The following CHMP4C variants were observed in gnomAD, a reference collection of about 807,000 sequenced individuals.
CHMP4C encodes charged multivesicular body protein 4C.
A neutral mutation model predicts 29.0 loss-of-function variants in CHMP4C; 28 were observed. That is an observed-to-expected ratio of 0.97 (90% CI 0.72 to 1.32). CHMP4C has a LOEUF of 1.32. CHMP4C is among the 40% of genes most tolerant of loss of function. The probability of loss-of-function intolerance (pLI) is 0.00; values close to 1 mark genes in which losing one functional copy is unlikely to be tolerated. For synonymous variants in CHMP4C, 106 were observed against 102.4 expected, an observed-to-expected ratio of 1.04 and a Z score of -0.21; for missense variants, 291 against 281.0, an observed-to-expected ratio of 1.04 and a Z score of -0.25.
chr8:81,752,157 A>G (rs1808911566), intron 1 of CHMP4C, among the ~76,000 whole-genome samples: 2 of 152,178 alleles, frequency 1.3e-5, no homozygotes, highest in African/African-American at 4.8e-5. Flanking sequence ...TGTTGTGATA[A>G]CTTACCTGCT....
At chr8:81,754,011 A>G (rs1175846011) in intron 2 of CHMP4C, among the ~76,000 whole-genome samples, 3 of 152,118 alleles carry the variant, frequency 2.0e-5, no homozygotes, top group African/African-American at 7.2e-5. Context: ...ATTGGATGTG[A>G]TAGTGGAACC....
At chr8:81,751,433 C>G (rs565986553) in intron 1 of CHMP4C, among the ~76,000 whole-genome samples, 3 of 151,968 alleles carry the variant, frequency 2.0e-5, no homozygotes, top group Non-Finnish European at 4.4e-5. Context: ...TTCAATCAAA[C>G]CTTTCAGGGT....
intron 1 of CHMP4C, among the ~76,000 whole-genome samples, chr8:81,743,745 C>A (rs373761804): frequency 6.6e-6 from 1 of 152,066 alleles, no homozygotes; most frequent in Non-Finnish European, 1.5e-5. Flanking sequence ...TATTCTCTTG[C>A]GTGATATCCT....
intron 1 of CHMP4C, among the ~76,000 whole-genome samples, chr8:81,737,180 T>G (rs1808702480): frequency 6.6e-6 from 1 of 152,256 alleles, no homozygotes; most frequent in Non-Finnish European, 1.5e-5. Context: ...TTTAATTTTT[T>G]GTTCTACTTC....
At chr8:81,732,866 T>C in intron 1 of CHMP4C, 50 bp downstream of exon 1, 1 of 1,548,786 alleles carries the variant, frequency 6.5e-7, no homozygotes, top group Non-Finnish European at 8.8e-7. Context: ...CTCTAGCCTT[T>C]CCCTTGGGGA....
chr8:81,735,942 C>T (rs115561459), intron 1 of CHMP4C, among the ~76,000 whole-genome samples: 8,758 of 151,722 alleles, frequency 0.058, 303 homozygotes, highest in Middle Eastern at 0.14. Context: ...CAAAATTAGC[C>T]GGATGTGGTG....
At chr8:81,753,706 CAGAAGA>C (rs1808938033) in intron 2 of CHMP4C, among the ~76,000 whole-genome samples, 1 of 152,102 alleles carries the variant, frequency 6.6e-6, no homozygotes, top group South Asian at 2.1e-4. Context: ...ACCACTGACA[CAGAAGA>C]ATAGTCATGA....
intron 1 of CHMP4C, among the ~76,000 whole-genome samples, chr8:81,751,104 T>G (rs916348533): frequency 5.9e-5 from 9 of 152,170 alleles, no homozygotes; most frequent in African/African-American, 2.2e-4. Flanking sequence ...CACTCAAGTT[T>G]GAGGCAAAAT....
chr8:81,736,234 C>T (rs1055454395), intron 1 of CHMP4C, among the ~76,000 whole-genome samples: 1 of 151,936 alleles, frequency 6.6e-6, no homozygotes, highest in African/African-American at 2.4e-5. Context: ...GGGCTCACTG[C>T]AGCCTTGACC....
At chr8:81,748,507 T>C (rs1217385105) in intron 1 of CHMP4C, among the ~76,000 whole-genome samples, 1 of 152,184 alleles carries the variant, frequency 6.6e-6, no homozygotes, top group East Asian at 1.9e-4. Flanking sequence ...CTAATAAATG[T>C]CCATAAAATC....
At chr8:81,751,751 G>GA in intron 1 of CHMP4C, among the ~76,000 whole-genome samples, 1 of 152,052 alleles carries the variant, frequency 6.6e-6, no homozygotes, top group African/African-American at 2.4e-5. Flanking sequence ...GAGACTGAGT[G>GA]AAAATCTTAC....
In CHMP4C at chr8:81,758,244, C is replaced by G; in HGVS notation, c.586C>G (p.Gln196Glu). The stretch of plus-strand genomic sequence containing the variant: ...TGTGCCTTCCTCTTCTCTCCCAGCA[C>G]AGCCAAATAGAAAACCAGGCATGTC... The part of the protein sequence containing the change: ...PNVPSSSLPA[Q>E]PNRKPGMSST... Residue 196 changes from glutamine to glutamate, a missense_variant, in exon 4 of 5, where the codon CAG becomes GAG. By Grantham distance (29) the Gln-to-Glu change is conservative (BLOSUM62 2). Transcript: ENST00000297265. The G allele has an allele frequency of 6.2e-7, 1 of 1,614,016 alleles. No individual in the cohort carries two copies. Among genetic ancestry groups the G allele is most frequent in the Non-Finnish European group, 8.5e-7 (1 of 1,179,948 alleles).
intron 2 of CHMP4C, 55 bp downstream of exon 2, chr8:81,753,296 C>A (rs960797908): frequency 7.3e-6 from 10 of 1,371,698 alleles, no homozygotes; most frequent in Non-Finnish European, 9.7e-6. Context: ...TTGGGAAGAA[C>A]CTTTGGAACC....
At chr8:81,746,930 T>C (rs978955517) in intron 1 of CHMP4C, among the ~76,000 whole-genome samples, 1 of 152,222 alleles carries the variant, frequency 6.6e-6, no homozygotes, top group Non-Finnish European at 1.5e-5. Context: ...TATGTGCCAC[T>C]GAACGAAACA....
intron 1 of CHMP4C, among the ~76,000 whole-genome samples, chr8:81,739,418 T>TAG (rs113653252): frequency 2.1e-5 from 2 of 93,564 alleles, no homozygotes; most frequent in African/African-American, 8.2e-5. Context: ...TGGGGGATTG[T>TAG]GGGGGGGGGT....
intron 1 of CHMP4C, among the ~76,000 whole-genome samples, chr8:81,738,710 C>T (rs1160523188): frequency 6.6e-6 from 1 of 152,188 alleles, no homozygotes; most frequent in Non-Finnish European, 1.5e-5. Flanking sequence ...ACTGCAAGAG[C>T]TTGATGGAAG....
chr8:81,755,473 G>A lies in CHMP4C; in HGVS notation c.472G>A (p.Asp158Asn). 1.2e-6 allele frequency: 2 copies of A among 1,605,506 alleles called. No homozygotes were observed. The highest frequency in any genetic ancestry group is 8.5e-7 in the Non-Finnish European group (1 of 1,172,764). The change falls in exon 3 of 5, where the codon GAC becomes AAC. Residue 158 changes from aspartate to asparagine, a missense_variant. Coordinates refer to ENST00000297265, the MANE Select transcript of CHMP4C (RefSeq NM_152284.4). ...AFSQRVGFGD[D>N]FDEDELMAEL... ...TTCTCAACGGGTTGGCTTTGGTGATGACTTTGATGAGGTACGTAACCCAAT... is the reference window on the plus strand; with the variant it reads ...TTCTCAACGGGTTGGCTTTGGTGATAACTTTGATGAGGTACGTAACCCAAT...
intron 1 of CHMP4C, among the ~76,000 whole-genome samples, chr8:81,734,802 T>C (rs188050584): frequency 5.5e-3 from 839 of 152,032 alleles, no homozygotes; most frequent in Admixed American, 9.3e-3. Context: ...ACTTTATGAA[T>C]AAAGACAAAA....
intron 1 of CHMP4C, among the ~76,000 whole-genome samples, chr8:81,748,067 G>A (rs1250507924): frequency 6.6e-6 from 1 of 152,080 alleles, no homozygotes; most frequent in Non-Finnish European, 1.5e-5. Context: ...CCATAGGTGC[G>A]CATTCTCTTT....
Sources: allele counts gnomAD v4.1 joint callset (sites outside exome capture counted in the v4.1 genomes callset), GRCh38; gene constraint gnomAD v4.1.1; transcripts MANE v1.5; gene names NCBI Gene and HGNC (gene_info 2026-07-23, HGNC 2026-07-21).